The following ROR2 variants were observed in gnomAD, a reference collection of about 807,000 sequenced individuals.
ROR2 encodes ROR family WNT receptor 2.
ROR2 carries 33 observed loss-of-function variants against 74.9 expected under a neutral mutation model. The observed-to-expected ratio is 0.44, with a 90% CI of 0.33 to 0.59. ROR2 has a LOEUF of 0.59. Ranked by LOEUF, ROR2 falls within the 20% of genes least tolerant of loss-of-function variation. The pLI, the probability that ROR2 is intolerant of heterozygous loss-of-function variation, is 0.02. For synonymous variants in ROR2, 586 were observed against 558.7 expected (o/e 1.05, Z -0.69); for missense variants, 1,216 against 1,313.8 (o/e 0.93, Z 1.15).
chr9:91,942,404 G>A (rs10992178), intron 1 of ROR2, among the ~76,000 whole-genome samples: 12,907 of 152,120 alleles, frequency 0.085, 963 homozygotes, highest in East Asian at 0.24. Flanking sequence ...TGAGACCACA[G>A]ACATTTCCTG....
At chr9:91,944,209 G>C (rs1470485749) in intron 1 of ROR2, among the ~76,000 whole-genome samples, 1 of 152,162 alleles carries the variant, frequency 6.6e-6, no homozygotes, top group African/African-American at 2.4e-5. Context: ...ACTGAATACT[G>C]TAGGCAACTG....
chr9:91,948,805 A>T, intron 1 of ROR2: 2 of 985,486 alleles, frequency 2.0e-6, no homozygotes, highest in Non-Finnish European at 2.4e-6. Flanking sequence ...CGAACCCCAT[A>T]GGTCTCTGGC....
intron 1 of ROR2, among the ~76,000 whole-genome samples, chr9:91,852,624 A>ACACACACACACACACACACACAC (rs1829133234): frequency 1.6e-5 from 2 of 123,916 alleles, no homozygotes; most frequent in East Asian, 2.3e-4. Context: ...AAAACACACA[A>ACACACACACACACACACACACAC]ACACACACAC....
intron 1 of ROR2, among the ~76,000 whole-genome samples, chr9:91,814,300 A>T (rs1357735383): frequency 3.3e-5 from 5 of 152,224 alleles, no homozygotes; most frequent in Non-Finnish European, 7.3e-5. Context: ...CTGCCTCTAG[A>T]AGGCAACAGC....
rs548706382 is a variant in ROR2 at position 91,731,328 on chromosome 9, G to A, written c.938-173C>T. Among the ~76,000 whole-genome samples the A allele has an allele frequency of 2.1e-3, 313 of 152,284 alleles. 1 individual carries two copies. The highest frequency in any genetic ancestry group is 9.5e-3 in the South Asian group (46 of 4,822). On this transcript the variant is annotated intron_variant, in intron 6 of 8. Transcript: ENST00000375708. ...CCCAAGCCCACAAATTAAATGCAGGGCACATCAGGGATAGGCATGGGGAAG... is the reference window on the plus strand; with the variant it reads ...CCCAAGCCCACAAATTAAATGCAGGACACATCAGGGATAGGCATGGGGAAG...
intron 6 of ROR2, among the ~76,000 whole-genome samples, chr9:91,732,837 C>A (rs1175301319): frequency 6.6e-6 from 1 of 152,236 alleles, no homozygotes; most frequent in Admixed American, 6.5e-5. Context: ...AGGGAAATCC[C>A]AGGCTCAAGC....
At chr9:91,842,545 G>A (rs1315919528) in intron 1 of ROR2, among the ~76,000 whole-genome samples, 4 of 152,244 alleles carry the variant, frequency 2.6e-5, no homozygotes, top group African/African-American at 9.6e-5. Flanking sequence ...ACAGGCATGG[G>A]CACTCTCCAC....
chr9:91,786,634 T>C lies in ROR2; in HGVS notation c.98-10816A>G, dbSNP rs1587717973. 1.3e-5 allele frequency among the ~76,000 whole-genome samples: 2 copies of C among 152,222 alleles called. 1 individual carries two copies. The highest frequency in any genetic ancestry group is 4.1e-4 in the South Asian group (2 of 4,820). On this transcript the variant is annotated intron_variant, in intron 1 of 8. Transcript: ENST00000375708. ...CAGTGAGAGACTCCACTTGTGGAGC[T>C]CTGTGAAAAGTACTGGCCCCATAAC...
At chr9:91,857,044 A>G (rs1256709235) in intron 1 of ROR2, among the ~76,000 whole-genome samples, 1 of 152,184 alleles carries the variant, frequency 6.6e-6, no homozygotes, top group African/African-American at 2.4e-5. Context: ...GTTCACTCCC[A>G]TCCCCTAAAA....
intron 1 of ROR2, among the ~76,000 whole-genome samples, chr9:91,924,764 C>CA (rs1831354016): frequency 6.6e-6 from 1 of 150,750 alleles, no homozygotes. Flanking sequence ...GCCTGGGCGA[C>CA]AGAGCGAGAC....
intron 1 of ROR2, among the ~76,000 whole-genome samples, chr9:91,778,005 G>A (rs912820830): frequency 1.3e-5 from 2 of 152,200 alleles, no homozygotes; most frequent in African/African-American, 2.4e-5. Flanking sequence ...ACATGAGGCC[G>A]CAGAGATGAC....
intron 1 of ROR2, among the ~76,000 whole-genome samples, chr9:91,847,700 C>A (rs554882364): frequency 6.6e-6 from 1 of 152,196 alleles, no homozygotes; most frequent in East Asian, 1.9e-4. Flanking sequence ...TGAGAATGAA[C>A]CCCACTCCCA....
chr9:91,928,857 A>T (rs1357200566), intron 1 of ROR2, among the ~76,000 whole-genome samples: 3 of 152,260 alleles, frequency 2.0e-5, no homozygotes, highest in African/African-American at 7.2e-5. Context: ...TGCACCCTGC[A>T]CTTTCCTCAT....
intron 1 of ROR2, among the ~76,000 whole-genome samples, chr9:91,935,321 G>A (rs1587858834): frequency 6.6e-6 from 1 of 152,360 alleles, no homozygotes; most frequent in East Asian, 1.9e-4. Flanking sequence ...AGCAAACGCA[G>A]CTCACCTCTT....
intron 1 of ROR2, among the ~76,000 whole-genome samples, chr9:91,874,232 T>C (rs7045662): frequency 0.073 from 11,181 of 152,206 alleles, 529 homozygotes; most frequent in African/African-American, 0.13. Flanking sequence ...ATTACCCCAG[T>C]AAAAGGTGCT....
intron 1 of ROR2, among the ~76,000 whole-genome samples, chr9:91,844,563 A>G (rs1828870007): frequency 6.6e-6 from 1 of 152,208 alleles, no homozygotes; most frequent in Non-Finnish European, 1.5e-5. Flanking sequence ...CAAATCTGAA[A>G]TCCACTGTAC....
At chr9:91,937,565 C>T (rs1460535489) in intron 1 of ROR2, among the ~76,000 whole-genome samples, 6 of 152,100 alleles carry the variant, frequency 3.9e-5, no homozygotes, top group Non-Finnish European at 8.8e-5. Context: ...TCTTACAAAG[C>T]AAGGAGGGAG....
intron 1 of ROR2, among the ~76,000 whole-genome samples, chr9:91,820,355 C>T (rs1301730399): frequency 6.6e-6 from 1 of 152,124 alleles, no homozygotes; most frequent in Non-Finnish European, 1.5e-5. Flanking sequence ...AAGATGGACA[C>T]CAGGGCCCCA....
At chr9:91,865,129 C>T (rs1328359700) in intron 1 of ROR2, among the ~76,000 whole-genome samples, 2 of 151,978 alleles carry the variant, frequency 1.3e-5, no homozygotes, top group African/African-American at 4.8e-5. Context: ...TTTTCAAATA[C>T]AGTAATTCTA....
Sources: allele counts gnomAD v4.1 joint callset (sites outside exome capture counted in the v4.1 genomes callset), GRCh38; gene constraint gnomAD v4.1.1; transcripts MANE v1.5; gene names NCBI Gene and HGNC (gene_info 2026-07-23, HGNC 2026-07-21).